The following CDH13 variants were observed in gnomAD, a reference collection of about 807,000 sequenced individuals.
The protein encoded by CDH13 is cadherin 13.
In CDH13, 24 loss-of-function variants were observed where a neutral mutation model predicts 63.8. That is an observed-to-expected ratio of 0.38 (90% CI 0.27 to 0.53). The LOEUF (loss-of-function observed/expected upper bound fraction) is 0.53, where lower values mean the gene tolerates loss of function less well. Among genes scored for constraint, CDH13 ranks in the 20% least tolerant of loss-of-function variants. The probability of loss-of-function intolerance (pLI) is 0.85; values close to 1 mark genes in which losing one functional copy is unlikely to be tolerated. For synonymous variants in CDH13, 503 were observed against 355.3 expected (o/e 1.42, Z -4.67); for missense variants, 1,049 against 903.1 (o/e 1.16, Z -2.07).
intron 6 of CDH13, among the ~76,000 whole-genome samples, chr16:83,380,038 A>C (rs1456339352): frequency 2.0e-5 from 3 of 151,720 alleles, no homozygotes; most frequent in Non-Finnish European, 4.4e-5. Flanking sequence ...ATTAATAAAC[A>C]TATACATAAA....
At chr16:83,057,942 C>T (rs187420636) in intron 3 of CDH13, among the ~76,000 whole-genome samples, 171 of 151,914 alleles carry the variant, frequency 1.1e-3, no homozygotes, top group African/African-American at 4.0e-3. Flanking sequence ...AAAATGGGGT[C>T]GGGGAAATGT....
intron 5 of CDH13, among the ~76,000 whole-genome samples, chr16:83,256,618 T>TCAGGAGATGGAGGC (rs1158308370): frequency 7.0e-6 from 1 of 143,332 alleles, no homozygotes; most frequent in African/African-American, 2.6e-5. Context: ...AATCACGAGG[T>TCAGGAGATGGAGGC]CAGGAGATGG....
chr16:82,978,185 T>A (rs948865329), intron 2 of CDH13, among the ~76,000 whole-genome samples: 3 of 152,200 alleles, frequency 2.0e-5, no homozygotes, highest in African/African-American at 7.2e-5. Flanking sequence ...GTATTCAGTT[T>A]TATGTATTCA....
intron 7 of CDH13, among the ~76,000 whole-genome samples, chr16:83,513,195 A>G (rs536284073): frequency 6.6e-6 from 1 of 152,270 alleles, no homozygotes; most frequent in African/African-American, 2.4e-5. Flanking sequence ...TTTTTTTCCA[A>G]GCTTCAAAGC....
chr16:82,654,255 T>C (rs887530833), intron 1 of CDH13, among the ~76,000 whole-genome samples: 1 of 152,172 alleles, frequency 6.6e-6, no homozygotes, highest in African/African-American at 2.4e-5. Context: ...GGACAGTGTC[T>C]TTGGCTGACA....
intron 3 of CDH13, among the ~76,000 whole-genome samples, chr16:83,080,876 T>TTTTTTTTTTTTTTTTTTTTTTTTG (rs2033192835): frequency 1.1e-5 from 1 of 94,740 alleles, no homozygotes; most frequent in Non-Finnish European, 2.1e-5. Flanking sequence ...TTTGTGTTTT[T>TTTTTTTTTTTTTTTTTTTTTTTTG]TTTTTTTTTT....
intron 3 of CDH13, among the ~76,000 whole-genome samples, chr16:83,060,964 C>G (rs1243149731): frequency 2.6e-5 from 4 of 152,192 alleles, no homozygotes; most frequent in African/African-American, 9.6e-5. Flanking sequence ...CCCTCAATGG[C>G]TAATGACTCT....
intron 1 of CDH13, among the ~76,000 whole-genome samples, chr16:82,765,800 T>C (rs910671497): frequency 2.6e-5 from 4 of 152,152 alleles, no homozygotes; most frequent in South Asian, 2.1e-4. Flanking sequence ...TAAAATTTCA[T>C]TGAGCATCTA....
At chr16:82,755,925 C>A (rs901202875) in intron 1 of CDH13, among the ~76,000 whole-genome samples, 2 of 152,086 alleles carry the variant, frequency 1.3e-5, no homozygotes, top group Admixed American at 6.5e-5. Context: ...ATTTGGAGCT[C>A]AGAGAGGGGC....
chr16:82,704,090 G>A (rs1355105237), intron 1 of CDH13, among the ~76,000 whole-genome samples: 5 of 152,098 alleles, frequency 3.3e-5, no homozygotes, highest in Admixed American at 2.6e-4. Flanking sequence ...TTTGAAAAAG[G>A]CAGGTGGCGT....
At chr16:83,242,136 A>G (rs977582582) in intron 5 of CDH13, among the ~76,000 whole-genome samples, 2 of 152,202 alleles carry the variant, frequency 1.3e-5, no homozygotes, top group African/African-American at 2.4e-5. Flanking sequence ...TAATTCAGCC[A>G]TATACATAAG....
At chr16:82,818,347 A>T (rs551502253) in intron 1 of CDH13, among the ~76,000 whole-genome samples, 1 of 152,184 alleles carries the variant, frequency 6.6e-6, no homozygotes, top group African/African-American at 2.4e-5. Context: ...AAAAAAGACC[A>T]CTTTCTTCCA....
At chr16:82,665,167 A>C (rs1912440188) in intron 1 of CDH13, among the ~76,000 whole-genome samples, 1 of 152,182 alleles carries the variant, frequency 6.6e-6, no homozygotes, top group Non-Finnish European at 1.5e-5. Context: ...TGAACCATTT[A>C]ATGCCACATT....
At chr16:83,154,843 T>G (rs561753095) in intron 4 of CDH13, among the ~76,000 whole-genome samples, 1 of 152,330 alleles carries the variant, frequency 6.6e-6, no homozygotes, top group Admixed American at 6.5e-5. Context: ...TTAAATGATG[T>G]TATTTCAACC....
At chr16:83,769,292 T>A (rs78245379) in intron 11 of CDH13, among the ~76,000 whole-genome samples, 4,064 of 152,256 alleles carry the variant, frequency 0.027, 65 homozygotes, top group South Asian at 0.055. Context: ...AATCAATTCT[T>A]AAACAGTCTT....
intron 2 of CDH13, among the ~76,000 whole-genome samples, chr16:82,999,266 G>T (rs1320788322): frequency 3.3e-5 from 5 of 151,610 alleles, no homozygotes; most frequent in African/African-American, 9.7e-5. Context: ...CCCCTCCTTT[G>T]TCAGTCCCAA....
rs374910750 is a variant in CDH13, at chr16:83,529,303, T to G, written c.960+42648T>G. On this transcript the variant is annotated intron_variant, in intron 7 of 13. Transcript: ENST00000567109. ...ACATATATTAAACTTATTAACAGGCTTTGTCTTTTGCCCAGAAATTTTACT... is the reference window on the plus strand; with the variant it reads ...ACATATATTAAACTTATTAACAGGCGTTGTCTTTTGCCCAGAAATTTTACT... Among the ~76,000 whole-genome samples, 686 of 152,174 alleles carry G rather than the reference T, an allele frequency of 4.5e-3. 6 individuals are homozygous for G. The highest frequency in any genetic ancestry group is 0.016 in the African/African-American group (662 of 41,514).
At chr16:83,397,383 C>T (rs757997862) in intron 6 of CDH13, 1 of 152,160 alleles carries the variant, frequency 6.6e-6, no homozygotes, top group Non-Finnish European at 1.5e-5. Context: ...AAGATACCCT[C>T]AGATGCTCTA....
chr16:83,531,195 T>C (rs1264477504), intron 7 of CDH13, among the ~76,000 whole-genome samples: 1 of 152,362 alleles, frequency 6.6e-6, no homozygotes, highest in South Asian at 2.1e-4. Context: ...TCAGGTGATA[T>C]CTGTAATCTT....
Sources: allele counts gnomAD v4.1 joint callset (sites outside exome capture counted in the v4.1 genomes callset), GRCh38; gene constraint gnomAD v4.1.1; transcripts MANE v1.5; gene names NCBI Gene and HGNC (gene_info 2026-07-23, HGNC 2026-07-21).